The following GTPBP1 variants were observed in gnomAD, a reference collection of about 807,000 sequenced individuals.
GTPBP1 encodes GTP binding protein 1.
GTPBP1 carries 23 observed loss-of-function variants against 62.0 expected under a neutral mutation model. The ratio of observed to expected loss-of-function variants is 0.37; its 90% CI spans 0.27 to 0.53. The LOEUF (loss-of-function observed/expected upper bound fraction) is 0.53. GTPBP1 is among the 20% of genes least tolerant of loss of function. GTPBP1 has a pLI of 0.89. For synonymous variants in GTPBP1, 344 were observed against 364.4 expected (o/e 0.94, Z 0.64); for missense variants, 640 against 917.3 (o/e 0.70, Z 3.90).
At chr22:38,740,223 G>C, downstream of GTPBP1, 1 of 1,497,126 alleles carries the variant, frequency 6.7e-7, no homozygotes, top group Non-Finnish European at 8.9e-7. The surrounding 1 kb of genome is among the most constrained non-coding windows in gnomAD (Gnocchi z 4.8). Flanking sequence ...TCGTCTCAAA[G>C]GAGGAGGAGA....
At chr22:38,706,382 C>A in intron 1 of GTPBP1, 1 of 335,528 alleles carries the variant, frequency 3.0e-6, no homozygotes. Flanking sequence ...CCCAGCCTCC[C>A]GCCCTCCCGT....
chr22:38,741,109 A>T (rs941196442), downstream of GTPBP1: 7 of 1,540,760 alleles, frequency 4.5e-6, no homozygotes, highest in Middle Eastern at 3.4e-4. Flanking sequence ...GGTGTTCCAG[A>T]GTAGGATCTG....
At chr22:38,739,962 G>C, downstream of GTPBP1, 1 of 1,605,436 alleles carries the variant, frequency 6.2e-7, no homozygotes, top group Non-Finnish European at 8.5e-7. This position sits in a 1 kb window ranked among gnomAD's most constrained non-coding sequence, Gnocchi z 6.7. Flanking sequence ...ACCCAAAGGG[G>C]TGTCACCCTG....
chr22:38,710,287 C>G (rs1182383098), intron 2 of GTPBP1, among the ~76,000 whole-genome samples: 1 of 152,146 alleles, frequency 6.6e-6, no homozygotes, highest in African/African-American at 2.4e-5. Context: ...TTGCAAAGCT[C>G]TTTTGGAAAC....
chr22:38,713,196 C>G (rs1033628477), intron 2 of GTPBP1, among the ~76,000 whole-genome samples: 2 of 150,258 alleles, frequency 1.3e-5, no homozygotes, highest in Non-Finnish European at 3.0e-5. Flanking sequence ...AACCCCAGCA[C>G]AAGGAAGGGG....
intron 4 of GTPBP1, among the ~76,000 whole-genome samples, chr22:38,721,281 T>C (rs2092699255): frequency 6.6e-6 from 1 of 152,242 alleles, no homozygotes; most frequent in South Asian, 2.1e-4. Flanking sequence ...TTTCTCCATG[T>C]TGTTCAGGCT....
At chr22:38,728,289 C>A in intron 10 of GTPBP1, 128 bp downstream of exon 10, 1 of 677,612 alleles carries the variant, frequency 1.5e-6, no homozygotes, top group Non-Finnish European at 2.6e-6. Flanking sequence ...GGTGTGGCCT[C>A]GGTGCCATCT....
At chr22:38,728,564 C>T (rs1185114459) in intron 10 of GTPBP1, 1 of 225,858 alleles carries the variant, frequency 4.4e-6, no homozygotes, top group Non-Finnish European at 9.1e-6. Context: ...GGGGCTTAAG[C>T]TGTTGGTGTA....
rs752152176 is a variant in GTPBP1, at chr22:38,724,418, C to T, written c.1073+7C>T. 13 of 1,524,222 alleles carry T rather than the reference C, an allele frequency of 8.5e-6. No homozygotes were observed. The highest frequency in any genetic ancestry group is 1.7e-5 in the Admixed American group (1 of 59,858). 94.4% of individuals were successfully genotyped at this position (1,524,222 alleles called of 1,614,324 possible). ...CCAACTTCAGCTCTGAAAGGTAACGCGTGGGGAGCGCACACTTCAGACAGG... is the reference window on the plus strand; with the variant it reads ...CCAACTTCAGCTCTGAAAGGTAACGTGTGGGGAGCGCACACTTCAGACAGG... On this transcript the variant is annotated splice_region_variant and intron_variant, in intron 6 of 11. Transcript: ENST00000216044.
chr22:38,742,779 G>A (rs1409664583), downstream of GTPBP1: 27 of 574,774 alleles, frequency 4.7e-5, no homozygotes, highest in Non-Finnish European at 7.6e-5. Flanking sequence ...ACAGAGGAAG[G>A]TCCCTGAGGA....
At chr22:38,741,124 C>A, downstream of GTPBP1, 1 of 1,505,168 alleles carries the variant, frequency 6.6e-7, no homozygotes, top group Admixed American at 2.0e-5. Context: ...GATCTGCTGT[C>A]TGTTAGCGTC....
intron 1 of GTPBP1, chr22:38,706,385 C>T (rs1476051105): frequency 6.0e-6 from 2 of 332,778 alleles, no homozygotes. Context: ...AGCCTCCCGC[C>T]CTCCCGTCTC....
chr22:38,723,412 C>G (rs1244307713), intron 5 of GTPBP1: 1 of 1,069,500 alleles, frequency 9.4e-7, no homozygotes, highest in Non-Finnish European at 1.4e-6. Flanking sequence ...AAGCAGCAAG[C>G]TTGAGGGCTG....
Position 38,728,078 on chromosome 22 carries a change from A to G in GTPBP1, c.1633A>G (p.Ile545Val). The change falls in exon 10 of 12, where the codon ATC becomes GTC. Residue 545 changes from isoleucine to valine, a missense_variant. Coordinates refer to ENST00000216044, the MANE Select transcript of GTPBP1 (RefSeq NM_004286.5). ...CAAGGCCACTGTACACTTCCGCTTCATCAAGACCCCTGAGTACCTGCACAT... is the reference window on the plus strand; with the variant it reads ...CAAGGCCACTGTACACTTCCGCTTCGTCAAGACCCCTGAGTACCTGCACAT... ...GDKATVHFRF[I>V]KTPEYLHIDQ... 1.2e-6 allele frequency: 2 copies of G among 1,613,452 alleles called. No individual in the cohort carries two copies. The highest frequency in any genetic ancestry group is 1.1e-5 in the South Asian group (1 of 91,076).
chr22:38,737,273 A>G (rs1164909514), downstream of GTPBP1, among the ~76,000 whole-genome samples: 1 of 151,524 alleles, frequency 6.6e-6, no homozygotes, highest in Non-Finnish European at 1.5e-5. This position sits in a 1 kb window ranked among gnomAD's most constrained non-coding sequence, Gnocchi z 4.1. Context: ...GGTGCCTCAG[A>G]CTCAGCCAGA....
chr22:38,715,644 T>C (rs923713601), intron 2 of GTPBP1, among the ~76,000 whole-genome samples: 1 of 152,172 alleles, frequency 6.6e-6, no homozygotes, highest in Non-Finnish European at 1.5e-5. Context: ...AGCATGAGGC[T>C]TGGCATAAAA....
chr22:38,736,189 G>A (rs760038731), downstream of GTPBP1: 16 of 1,370,558 alleles, frequency 1.2e-5, no homozygotes, highest in African/African-American at 2.9e-5. Context: ...TCAGAGCGCC[G>A]AGCAAGCGTG....
chr22:38,740,211 C>G, downstream of GTPBP1: 1 of 1,476,688 alleles, frequency 6.8e-7, no homozygotes, highest in Non-Finnish European at 9.0e-7. This position sits in a 1 kb window ranked among gnomAD's most constrained non-coding sequence, Gnocchi z 4.8. Context: ...CCCCAGGACA[C>G]GTCGTCTCAA....
intron 6 of GTPBP1, chr22:38,725,173 C>T (rs542399410): frequency 6.6e-6 from 1 of 152,374 alleles, no homozygotes; most frequent in South Asian, 2.1e-4. Flanking sequence ...TTCAGACAGC[C>T]CCATTTGAGC....
Sources: gnomAD v4.1 joint callset for allele counts (sites outside exome capture counted in the v4.1 genomes callset) on GRCh38, gnomAD v4.1.1 for gene constraint, Gnocchi (gnomAD v3.1) non-coding constraint, MANE v1.5 for transcripts, NCBI Gene and HGNC (gene_info 2026-07-23, HGNC 2026-07-21) for gene names.